The following DYRK4 variants were observed in gnomAD, a reference collection of about 807,000 sequenced individuals.
DYRK4 encodes the protein dual specificity tyrosine phosphorylation regulated kinase 4, also known as dual specificity tyrosine-phosphorylation-regulated kinase 4.
Under a neutral mutation model 68.3 loss-of-function variants are expected in DYRK4, and 64 were observed. The observed-to-expected ratio is 0.94, with a 90% CI of 0.77 to 1.15. The LOEUF is 1.15. Ranked by LOEUF, DYRK4 falls within the 50% of genes most tolerant of loss-of-function variation. The pLI is 0.00. For synonymous variants in DYRK4, 274 were observed against 289.9 expected (o/e 0.95, Z 0.56); for missense variants, 740 against 764.7 (o/e 0.97, Z 0.38).
At chr12:4,595,510 T>C (rs577476893) in intron 6 of DYRK4, among the ~76,000 whole-genome samples, 176 of 152,260 alleles carry the variant, frequency 1.2e-3, no homozygotes, top group Non-Finnish European at 2.1e-3. Context: ...GTTTCCAGCA[T>C]AGGGAGAGAC....
rs148509903 is a variant in DYRK4 at position 4,584,270 on chromosome 12, C to T, written c.133-4667C>T. Among the ~76,000 whole-genome samples, 642 of 152,240 alleles carry T rather than the reference C, an allele frequency of 4.2e-3. 6 individuals carry two copies. The highest frequency in any genetic ancestry group is 0.015 in the African/African-American group (617 of 41,540). On this transcript the variant is annotated intron_variant, in intron 2 of 14. Transcript: ENST00000543431. Reference sequence around the variant, plus strand: ...TGTGATCTGTGCTTGGCACACTGCTCGGTAGGCACATAGATATGTTCAGTA... The same window carrying T: ...TGTGATCTGTGCTTGGCACACTGCTTGGTAGGCACATAGATATGTTCAGTA...
chr12:4,600,725 TGGG>T (rs1020800890), intron 10 of DYRK4, among the ~76,000 whole-genome samples: 2 of 151,810 alleles, frequency 1.3e-5, no homozygotes, highest in Admixed American at 1.3e-4. Context: ...CATGCCCTCT[TGGG>T]GGCACGCCAC....
At chr12:4,572,377 G>A (rs938936305) in intron 2 of DYRK4, among the ~76,000 whole-genome samples, 2 of 152,140 alleles carry the variant, frequency 1.3e-5, no homozygotes, top group Non-Finnish European at 2.9e-5. Flanking sequence ...CACCTCCCGG[G>A]TTCACGCCAT....
At chr12:4,605,562 T>C (rs1945135379) in intron 11 of DYRK4, among the ~76,000 whole-genome samples, 1 of 152,158 alleles carries the variant, frequency 6.6e-6, no homozygotes, top group Non-Finnish European at 1.5e-5. Context: ...CTTCTATCAA[T>C]CATTATAGCT....
At chr12:4,609,380 T>C (rs1022930450) in intron 12 of DYRK4, among the ~76,000 whole-genome samples, 1 of 152,256 alleles carries the variant, frequency 6.6e-6, no homozygotes, top group Non-Finnish European at 1.5e-5. Context: ...ACGTTTTTAA[T>C]GACGGCTCCT....
At position 4,613,665 on chromosome 12, in the gene DYRK4, C is replaced by T. The variant is rs1159090043; in HGVS notation, c.1817C>T (p.Ala606Val). Residue 606 changes from alanine (A) to valine (V), a missense_variant, in exon 15 of 15, where the codon GCT becomes GTT. Transcript: ENST00000543431. This position sits in a 1 kb window ranked among gnomAD's most constrained non-coding sequence, Gnocchi z 4.0. The part of the protein sequence containing the change: ...LVDAPKKSEA[A>V]VGAEVSMTSP... Reference sequence around the variant, plus strand: ...GACGCTCCCAAGAAGTCAGAGGCAGCTGTCGGGGCGGAGGTGTCCATGACC... The same window carrying T: ...GACGCTCCCAAGAAGTCAGAGGCAGTTGTCGGGGCGGAGGTGTCCATGACC... The T allele has an allele frequency of 3.7e-6, 6 of 1,613,370 alleles. No homozygotes were observed. The highest frequency in any genetic ancestry group is 1.1e-5 in the South Asian group (1 of 91,048).
At chr12:4,573,974 C>T (rs922557168) in intron 2 of DYRK4, among the ~76,000 whole-genome samples, 1 of 152,082 alleles carries the variant, frequency 6.6e-6, no homozygotes, top group Non-Finnish European at 1.5e-5. Flanking sequence ...GCCTGTAATT[C>T]CAGCACTTTG....
At chr12:4,565,107 C>T (rs1431005928) in intron 1 of DYRK4, among the ~76,000 whole-genome samples, 2 of 152,182 alleles carry the variant, frequency 1.3e-5, no homozygotes, top group South Asian at 4.1e-4. Flanking sequence ...TATCTTCAAT[C>T]CTTCATGTAA....
intron 10 of DYRK4, chr12:4,603,303 T>C (rs1426683108): frequency 2.4e-6 from 2 of 834,354 alleles, no homozygotes; most frequent in Non-Finnish European, 3.8e-6. Context: ...TCACAAGCCA[T>C]CTCTATTATG....
chr12:4,582,981 G>A (rs1298480385), intron 2 of DYRK4, among the ~76,000 whole-genome samples: 2 of 152,168 alleles, frequency 1.3e-5, no homozygotes, highest in Non-Finnish European at 2.9e-5. Flanking sequence ...AGGATGGGAT[G>A]GAATGCGGAG....
chr12:4,593,247 T>C, intron 6 of DYRK4, 82 bp downstream of exon 6: 4 of 1,511,956 alleles, frequency 2.6e-6, no homozygotes, highest in Non-Finnish European at 3.6e-6. Context: ...AACGGTATTT[T>C]GTAGTATTTG....
intron 1 of DYRK4, 129 bp from the exon 2 acceptor site, chr12:4,567,826 T>G: frequency 1.4e-6 from 1 of 734,638 alleles, no homozygotes; most frequent in Middle Eastern, 2.4e-4. Context: ...GCAGGGACCC[T>G]GCTCCTGCTT....
intron 2 of DYRK4, among the ~76,000 whole-genome samples, chr12:4,579,851 T>G (rs1449283726): frequency 2.6e-5 from 4 of 152,150 alleles, no homozygotes; most frequent in Non-Finnish European, 4.4e-5. Context: ...AAGTTCTTTA[T>G]AATCCCTTGT....
Position 4,599,380 on chromosome 12 carries a change from G to A in DYRK4, c.1044+214G>A, listed in dbSNP as rs575328744. 3.3e-5 allele frequency among the ~76,000 whole-genome samples: 5 copies of A among 150,946 alleles called. No individual in the cohort carries two copies. The South Asian group carries it at 1.0e-3, about 31-fold the overall frequency. ...CAGTCAATGGCATTTCTAAGGCCGT[G>A]CAAGCAAGGCCTAGAACCAGGTGCC... On this transcript the variant is annotated intron_variant, in intron 9 of 14. Transcript: ENST00000543431.
rs116921947 is a variant in DYRK4, at chr12:4,596,013, C to A, written c.628-136C>A. The A allele has an allele frequency of 7.7e-4, 702 of 917,478 alleles. 6 individuals are homozygous for A. The East Asian group carries it at 0.013, about 16-fold the overall frequency. 56.8% of individuals were successfully genotyped at this position (917,478 alleles called of 1,614,324 possible). A position where few individuals can be genotyped will look rare whatever the true frequency, so the allele number is the denominator to read the frequency against. ...GTCGCAATGAGATGAGGGCGAGAGT[C>A]GCACAAGTGCCCAGTGTAGTTAGAA... On this transcript the variant is annotated intron_variant, in intron 6 of 14. Coordinates refer to ENST00000543431, the MANE Select transcript of DYRK4 (RefSeq NM_001394779.1).
chr12:4,596,609 T>C lies in DYRK4; in HGVS notation c.785T>C (p.Met262Thr). ...NKKRFHQQAL[M>T]ELKILEALRK... is the part of the protein sequence containing the mutation. ...CTTAGGTTTCACCAGCAGGCCCTGA[T>C]GGAGCTGAAGATCCTGGAAGCTCTC... Residue 262 changes from methionine (M) to threonine (T), a missense_variant, in exon 8 of 15, where the codon ATG becomes ACG. Physicochemically the swap from Met to Thr is moderately conservative, Grantham distance 81. Around this residue, in one of 3 missense-constraint regions of DYRK4, gnomAD observed 614 missense variants for 603.7 expected, o/e 1.02. Transcript: ENST00000543431. 2 of 1,614,118 alleles carry C rather than the reference T, an allele frequency of 1.2e-6. No individual in the cohort carries two copies. Among genetic ancestry groups the C allele is most frequent in the Non-Finnish European group, 1.7e-6 (2 of 1,180,010 alleles).
chr12:4,578,491 C>T (rs1425998915), intron 2 of DYRK4, among the ~76,000 whole-genome samples: 1 of 152,168 alleles, frequency 6.6e-6, no homozygotes. Context: ...TGCATGGAGT[C>T]TTACACTTTA....
In DYRK4 at chr12:4,599,174, C is replaced by T. The variant is rs1277513152; in HGVS notation, c.1044+8C>T. 1 of 1,613,386 alleles carries T rather than the reference C, an allele frequency of 6.2e-7. No individual in the cohort carries two copies. The highest frequency in any genetic ancestry group is 1.3e-5 in the African/African-American group (1 of 74,862). On this transcript the variant is annotated splice_region_variant and intron_variant, in intron 9 of 14. Coordinates refer to ENST00000543431, the MANE Select transcript of DYRK4 (RefSeq NM_001394779.1). ...CACTGTGATCTCAAGCCCGTGAGTA[C>T]CATCTCCGTCCTGCCATGGACACAC... is the stretch of plus-strand genomic sequence containing the variant.
At chr12:4,592,736 T>A (rs1465485407) in intron 5 of DYRK4, 1 of 364,804 alleles carries the variant, frequency 2.7e-6, no homozygotes. Flanking sequence ...CCTGCGCTGC[T>A]CTAACCCCCA....
Sources: allele counts gnomAD v4.1 joint callset (sites outside exome capture counted in the v4.1 genomes callset), GRCh38; gene constraint gnomAD v4.1.1; regional missense constraint gnomAD v4.1.1; non-coding constraint Gnocchi (gnomAD v3.1); transcripts MANE v1.5; gene names NCBI Gene and HGNC (gene_info 2026-07-23, HGNC 2026-07-21).